The following LYSMD3 variants were observed in gnomAD, a reference collection of about 807,000 sequenced individuals.
The protein encoded by LYSMD3 is LysM domain containing 3.
LYSMD3 carries 13 observed loss-of-function variants against 26.1 expected under a neutral mutation model. The ratio of observed to expected loss-of-function variants is 0.50; its 90% CI spans 0.32 to 0.79. The LOEUF (loss-of-function observed/expected upper bound fraction) is 0.79, where lower values mean the gene tolerates loss of function less well. Ranked by LOEUF, LYSMD3 falls within the 30% of genes least tolerant of loss-of-function variation. The pLI is 0.03. For missense variants in LYSMD3, 331 were observed against 362.5 expected (o/e 0.91, Z 0.71); for synonymous variants, 109 against 119.4 (o/e 0.91, Z 0.57).
chr5:90,529,305 G>T (rs908739207), intron 1 of LYSMD3, 143 bp downstream of exon 1: 10 of 428,784 alleles, frequency 2.3e-5, no homozygotes, highest in Admixed American at 7.9e-5. Flanking sequence ...TGTCTCGGGG[G>T]TGTCCGCCAC....
chr5:90,525,511 G>A (rs1753203462), intron 1 of LYSMD3, among the ~76,000 whole-genome samples: 1 of 152,122 alleles, frequency 6.6e-6, no homozygotes, highest in African/African-American at 2.4e-5. Flanking sequence ...GTGCAGTAGT[G>A]CGATCTCAGC....
In LYSMD3 at chr5:90,517,964, T is replaced by C. The variant is rs955011620; in HGVS notation, c.*855A>G. On this transcript the variant is annotated 3_prime_UTR_variant, in exon 3 of 3. Coordinates refer to ENST00000315948, the MANE Select transcript of LYSMD3 (RefSeq NM_198273.2). ...AATGTAATTAAGGCATGTTACTGTA[T>C]GTAACAGCAATGATTTATCACAGTA... 4 of 152,564 alleles carry C rather than the reference T, an allele frequency of 2.6e-5. No individual in the cohort carries two copies. The highest frequency in any genetic ancestry group is 4.8e-5 in the African/African-American group (2 of 41,458). 9.5% of individuals were successfully genotyped at this position (152,564 alleles called of 1,614,324 possible). A position where few individuals can be genotyped will look rare whatever the true frequency, so the allele number is the denominator to read the frequency against.
rs1421129401 is a variant in LYSMD3 at position 90,517,395 on chromosome 5, C to G, written c.*1424G>C. 6.6e-6 allele frequency: 1 copy of G among 151,972 alleles called. No homozygotes were observed. The highest frequency in any genetic ancestry group is 2.4e-5 in the African/African-American group (1 of 41,396). 9.4% of individuals were successfully genotyped at this position (151,972 alleles called of 1,614,324 possible). On this transcript the variant is annotated 3_prime_UTR_variant, in exon 3 of 3. Coordinates refer to ENST00000315948, the MANE Select transcript of LYSMD3 (RefSeq NM_198273.2). Reference sequence around the variant, plus strand: ...CAGAAAATGAGGTGGTATTATATATCTTAAGTATATATTATATACAAAACA... The same window carrying G: ...CAGAAAATGAGGTGGTATTATATATGTTAAGTATATATTATATACAAAACA...
intron 2 of LYSMD3, among the ~76,000 whole-genome samples, chr5:90,522,926 G>C (rs1753128299): frequency 1.3e-5 from 2 of 152,042 alleles, no homozygotes; most frequent in African/African-American, 4.8e-5. Context: ...TATTCAGATG[G>C]TATGTTAAAT....
rs990257829 is a variant in LYSMD3 at position 90,517,564 on chromosome 5, C to G, written c.*1255G>C. 7.9e-5 allele frequency: 12 copies of G among 152,120 alleles called. No individual in the cohort carries two copies. Among genetic ancestry groups the G allele is most frequent in the Admixed American group, 7.9e-4 (12 of 15,280 alleles). The allele number at this position is 152,120 out of a possible 1,614,324, so 9.4% of individuals were successfully genotyped here. On this transcript the variant is annotated 3_prime_UTR_variant, in exon 3 of 3. Coordinates refer to ENST00000315948, the MANE Select transcript of LYSMD3 (RefSeq NM_198273.2). Reference sequence around the variant, plus strand: ...CCAGACTGTAGCCGACTCAACAGATCTTAAAAAGAGGCACTACCACCCCCT... The same window carrying G: ...CCAGACTGTAGCCGACTCAACAGATGTTAAAAAGAGGCACTACCACCCCCT...
chr5:90,516,961 T>C lies in LYSMD3; in HGVS notation c.*1858A>G, dbSNP rs901524464. 4 of 152,468 alleles carry C rather than the reference T, an allele frequency of 2.6e-5. No individual in the cohort carries two copies. Among genetic ancestry groups the C allele is most frequent in the Non-Finnish European group, 5.9e-5 (4 of 67,888 alleles). The allele number at this position is 152,468 out of a possible 1,614,324, so 9.4% of individuals were successfully genotyped here. A position where few individuals can be genotyped will look rare whatever the true frequency, so the allele number is the denominator to read the frequency against. The stretch of plus-strand genomic sequence containing the variant: ...TAAACAAAGTTCTTCAAAGGACACC[T>C]GGCCTGTTTACCCTAAAATAATCTG... On this transcript the variant is annotated 3_prime_UTR_variant, in exon 3 of 3. Transcript: ENST00000315948.
chr5:90,527,943 T>G (rs1176452412), intron 1 of LYSMD3, among the ~76,000 whole-genome samples: 1 of 152,244 alleles, frequency 6.6e-6, no homozygotes, highest in Non-Finnish European at 1.5e-5. Flanking sequence ...CTAATAGCTA[T>G]ATGTTAAGTA....
rs1752926424 is a variant in LYSMD3, at chr5:90,515,643, GA to G, written c.*3175del. On this transcript the variant is annotated 3_prime_UTR_variant, in exon 3 of 3. Coordinates refer to ENST00000315948, the MANE Select transcript of LYSMD3 (RefSeq NM_198273.2). ...GGCTTCCATTTTAGATTGAATAAGA[GA>G]AACTTTATTACATGTTGGAGATCTT... 1 of 152,102 alleles carries G rather than the reference GA, an allele frequency of 6.6e-6. No homozygotes were observed. Among genetic ancestry groups the G allele is most frequent in the Admixed American group, 6.6e-5 (1 of 15,262 alleles). The allele number at this position is 152,102 out of a possible 1,614,324, so 9.4% of individuals were successfully genotyped here.
intron 2 of LYSMD3, among the ~76,000 whole-genome samples, chr5:90,522,695 T>C (rs1753122170): frequency 6.6e-6 from 1 of 152,242 alleles, no homozygotes; most frequent in South Asian, 2.1e-4. Context: ...GTATCACTCC[T>C]GTTAAAACCT....
intron 1 of LYSMD3, among the ~76,000 whole-genome samples, chr5:90,528,118 C>T (rs1392904006): frequency 6.6e-6 from 1 of 152,166 alleles, no homozygotes; most frequent in Non-Finnish European, 1.5e-5. Flanking sequence ...TATTTCCACT[C>T]ATTTAACCAG....
chr5:90,528,969 C>T (rs1753290879), intron 1 of LYSMD3, among the ~76,000 whole-genome samples: 1 of 148,262 alleles, frequency 6.7e-6, no homozygotes, highest in African/African-American at 2.7e-5. Flanking sequence ...ATCAAAGGCA[C>T]CCTATCCGCT....
chr5:90,523,458 G>T (rs905559814), intron 2 of LYSMD3, among the ~76,000 whole-genome samples: 3 of 151,636 alleles, frequency 2.0e-5, no homozygotes, highest in Non-Finnish European at 4.4e-5. Flanking sequence ...TGTTCCTATT[G>T]CAGAGAAGTA....
chr5:90,515,989 A>C lies in LYSMD3; in HGVS notation c.*2830T>G, dbSNP rs1220795963. 1.3e-5 allele frequency: 2 copies of C among 152,168 alleles called. No individual in the cohort carries two copies. Among genetic ancestry groups the C allele is most frequent in the Non-Finnish European group, 2.9e-5 (2 of 67,992 alleles). 9.4% of individuals were successfully genotyped at this position (152,168 alleles called of 1,614,324 possible). ...ACACTGACTAGATCCTTGCTTCATG[A>C]TATTTCTAAAACTAAGCATATCCTT... is the stretch of plus-strand genomic sequence containing the variant. On this transcript the variant is annotated 3_prime_UTR_variant, in exon 3 of 3. Transcript: ENST00000315948.
intron 1 of LYSMD3, among the ~76,000 whole-genome samples, chr5:90,527,327 G>A (rs962033302): frequency 2.0e-5 from 3 of 151,668 alleles, no homozygotes; most frequent in Admixed American, 2.0e-4. Context: ...TCAGATTTCA[G>A]ATTAGGAATG....
intron 2 of LYSMD3, 115 bp downstream of exon 2, chr5:90,524,920 T>C (rs1478862758): frequency 2.8e-6 from 3 of 1,053,466 alleles, no homozygotes; most frequent in Admixed American, 6.0e-5. Flanking sequence ...ATGCAAAAAA[T>C]AAGAGCAAAA....
chr5:90,523,014 C>T (rs563589252), intron 2 of LYSMD3, among the ~76,000 whole-genome samples: 5 of 152,258 alleles, frequency 3.3e-5, no homozygotes, highest in East Asian at 3.9e-4. Flanking sequence ...ACTCTCCTCT[C>T]GGATCTGTAC....
Position 90,528,721 on chromosome 5 carries a change from A to C in LYSMD3, c.-12+727T>G, listed in dbSNP as rs546399532. On this transcript the variant is annotated intron_variant, in intron 1 of 2. Transcript: ENST00000315948. ...TCACCTCTCTTAATTCTCTTAGAGC[A>C]GGAAAAAGGCACGAACTCCCTTTCA... Among the ~76,000 whole-genome samples, 4 of 152,334 alleles carry C rather than the reference A, an allele frequency of 2.6e-5. 1 individual carries two copies. In the East Asian group the frequency reaches 7.7e-4, roughly 29 times the overall value.
At chr5:90,519,597 G>A (rs1753040974) in intron 2 of LYSMD3, 113 bp from the exon 3 acceptor site, 5 of 1,010,172 alleles carry the variant, frequency 4.9e-6, no homozygotes, top group Non-Finnish European at 7.0e-6. Context: ...ATTATTAGTA[G>A]TATTAAGTTG....
At chr5:90,523,142 A>G (rs199540239) in intron 2 of LYSMD3, among the ~76,000 whole-genome samples, 1 of 108,172 alleles carries the variant, frequency 9.2e-6, no homozygotes, top group Non-Finnish European at 1.9e-5. Context: ...ATTTACTCAC[A>G]TGTTTATTTG....
Sources: allele counts gnomAD v4.1 joint callset (sites outside exome capture counted in the v4.1 genomes callset), GRCh38; gene constraint gnomAD v4.1.1; transcripts MANE v1.5; gene names NCBI Gene and HGNC (gene_info 2026-07-23, HGNC 2026-07-21).